The following NRXN1 variants were observed in gnomAD, a reference collection of about 807,000 sequenced individuals.
NRXN1 encodes neurexin-1.
NRXN1 carries 39 observed loss-of-function variants against 150.9 expected under a neutral mutation model. That is an observed-to-expected ratio of 0.26 (90% CI 0.20 to 0.34). NRXN1 has a LOEUF of 0.34. NRXN1 is among the 10% of genes least tolerant of loss of function. The pLI, the probability that NRXN1 is intolerant of heterozygous loss-of-function variation, is 1.00. For missense variants in NRXN1, 1,815 were observed against 1,949.9 expected, an observed-to-expected ratio of 0.93 and a Z score of 1.30; for synonymous variants, 924 against 757.0, an observed-to-expected ratio of 1.22 and a Z score of -3.62.
At chr2:50,320,259 A>G (rs1320357845) in intron 17 of NRXN1, among the ~76,000 whole-genome samples, 6 of 131,374 alleles carry the variant, frequency 4.6e-5, no homozygotes, top group African/African-American at 1.7e-4. Context: ...TTAAAAAGGT[A>G]TTCATTTATT....
chr2:50,861,129 A>G (rs1383892589), intron 5 of NRXN1, among the ~76,000 whole-genome samples: 2 of 151,972 alleles, frequency 1.3e-5, no homozygotes, highest in Non-Finnish European at 2.9e-5. Flanking sequence ...TCCCAAAGAG[A>G]TTTTATAGCT....
intron 18 of NRXN1, among the ~76,000 whole-genome samples, chr2:50,106,619 T>G (rs1461164404): frequency 6.6e-6 from 1 of 152,104 alleles, no homozygotes; most frequent in South Asian, 2.1e-4. Context: ...TTTGGTAACA[T>G]TAAGCTTTTG....
chr2:50,337,930 T>C (rs1012203447), intron 17 of NRXN1, among the ~76,000 whole-genome samples: 10 of 152,348 alleles, frequency 6.6e-5, no homozygotes, highest in Middle Eastern at 3.4e-3. Flanking sequence ...CAATACCTTG[T>C]GTATTAACAC....
chr2:50,652,275 A>T (rs1685752792), intron 5 of NRXN1, among the ~76,000 whole-genome samples: 1 of 152,054 alleles, frequency 6.6e-6, no homozygotes, highest in South Asian at 2.1e-4. Flanking sequence ...TCGTTTAAGT[A>T]TACAATTCAA....
chr2:51,031,643 C>T (rs1404653041), intron 1 of NRXN1, among the ~76,000 whole-genome samples: 2 of 152,070 alleles, frequency 1.3e-5, no homozygotes, highest in Non-Finnish European at 2.9e-5. Flanking sequence ...CACAAATTAA[C>T]GATGGGCACA....
chr2:50,634,878 C>T (rs978595278), intron 5 of NRXN1, among the ~76,000 whole-genome samples: 2 of 152,118 alleles, frequency 1.3e-5, no homozygotes, highest in Admixed American at 6.6e-5. Context: ...CTGACCTCTG[C>T]TGCCCTTCAT....
intron 17 of NRXN1, among the ~76,000 whole-genome samples, chr2:50,354,562 T>C (rs1048556760): frequency 1.5e-5 from 2 of 134,284 alleles, no homozygotes; most frequent in Non-Finnish European, 3.1e-5. Context: ...TACATATATA[T>C]ATATATATAT....
chr2:50,931,518 A>G (rs1687743517), intron 2 of NRXN1, among the ~76,000 whole-genome samples: 1 of 152,086 alleles, frequency 6.6e-6, no homozygotes, highest in South Asian at 2.1e-4. Flanking sequence ...ATCAAAGAAA[A>G]AATGAAATTT....
In NRXN1 at chr2:49,926,007, G is replaced by A. The variant is rs115590787; in HGVS notation, c.4217-3756C>T. Among the ~76,000 whole-genome samples, 1,328 of 152,264 alleles carry A rather than the reference G, an allele frequency of 8.7e-3. 20 individuals carry two copies. Among genetic ancestry groups the A allele is most frequent in the African/African-American group, 0.027 (1,137 of 41,560 alleles). ...TTGGGCCCAGGGGCATAAGGAACTC[G>A]GTTCAATGGAAAACTTCAGTAGGAC... On this transcript the variant is annotated intron_variant, in intron 22 of 22. Coordinates refer to ENST00000401669, the MANE Select transcript of NRXN1 (RefSeq NM_001330078.2).
chr2:50,979,883 T>C (rs1486204100), intron 2 of NRXN1, among the ~76,000 whole-genome samples: 3 of 152,150 alleles, frequency 2.0e-5, no homozygotes, highest in Non-Finnish European at 4.4e-5. Context: ...GTTTCAAACA[T>C]CTGTTTGTTC....
At chr2:50,791,512 TC>T (rs2105605585) in intron 5 of NRXN1, among the ~76,000 whole-genome samples, 2 of 152,176 alleles carry the variant, frequency 1.3e-5, no homozygotes, top group East Asian at 3.9e-4. Flanking sequence ...GCCCAGAATC[TC>T]CTCTTGCTTT....
At chr2:50,994,017 G>A (rs1039460455) in intron 2 of NRXN1, among the ~76,000 whole-genome samples, 5 of 151,854 alleles carry the variant, frequency 3.3e-5, no homozygotes, top group African/African-American at 1.2e-4. Flanking sequence ...CAAAACCTAA[G>A]ATTTTAGATT....
intron 5 of NRXN1, among the ~76,000 whole-genome samples, chr2:50,878,051 G>C (rs1678869290): frequency 6.6e-6 from 1 of 151,888 alleles, no homozygotes; most frequent in African/African-American, 2.4e-5. Flanking sequence ...TGCTCCTCTG[G>C]ATTCTGCTTT....
chr2:49,929,334 G>A (rs1669716069), intron 22 of NRXN1, among the ~76,000 whole-genome samples: 1 of 152,174 alleles, frequency 6.6e-6, no homozygotes, highest in South Asian at 2.1e-4. Context: ...TCCAGGGGAA[G>A]CCATAGGATC....
chr2:50,800,374 TG>T (rs374260675), intron 5 of NRXN1, among the ~76,000 whole-genome samples: 13 of 152,280 alleles, frequency 8.5e-5, no homozygotes, highest in Non-Finnish European at 1.3e-4. Context: ...TTTTTTTCTA[TG>T]GTACGTTTCA....
chr2:50,073,110 T>A (rs1007023153), intron 19 of NRXN1, among the ~76,000 whole-genome samples: 5 of 152,230 alleles, frequency 3.3e-5, no homozygotes, highest in Non-Finnish European at 7.3e-5. Context: ...AATATCAGTG[T>A]CCTTCAAATT....
chr2:50,983,938 A>G (rs1164165838), intron 2 of NRXN1, among the ~76,000 whole-genome samples: 5 of 151,768 alleles, frequency 3.3e-5, no homozygotes, highest in Non-Finnish European at 7.4e-5. Flanking sequence ...TAGAGCAAAC[A>G]TTCAAAGCAT....
intron 8 of NRXN1, among the ~76,000 whole-genome samples, chr2:50,600,958 A>G (rs1676171595): frequency 6.6e-6 from 1 of 152,146 alleles, no homozygotes; most frequent in African/African-American, 2.4e-5. Context: ...AAAAAAATGA[A>G]AAAAGAAGTA....
At chr2:50,084,218 A>T (rs1484976089) in intron 19 of NRXN1, among the ~76,000 whole-genome samples, 1 of 152,206 alleles carries the variant, frequency 6.6e-6, no homozygotes, top group Non-Finnish European at 1.5e-5. Context: ...GCTGCCTGCC[A>T]GTCCGGCGCC....
Sources: gnomAD v4.1 joint callset for allele counts (sites outside exome capture counted in the v4.1 genomes callset) on GRCh38, gnomAD v4.1.1 for gene constraint, MANE v1.5 for transcripts, NCBI Gene and HGNC (gene_info 2026-07-23, HGNC 2026-07-21) for gene names.